CUL1: variants seen among roughly 807,000 people sequenced by gnomAD.
The protein encoded by CUL1 is cullin 1.
A neutral mutation model predicts 118.0 loss-of-function variants in CUL1; 24 were observed. The ratio of observed to expected loss-of-function variants is 0.20; its 90% CI spans 0.15 to 0.29. The LOEUF (loss-of-function observed/expected upper bound fraction) is 0.29. Among genes scored for constraint, CUL1 ranks in the 10% least tolerant of loss-of-function variants. The pLI, the probability that CUL1 is intolerant of heterozygous loss-of-function variation, is 1.00. For missense variants in CUL1, 361 were observed against 933.8 expected (o/e 0.39, Z 7.99); for synonymous variants, 332 against 340.4 (o/e 0.98, Z 0.27).
At chr7:148,749,415 CAAAA>C (rs61460309) in intron 2 of CUL1, among the ~76,000 whole-genome samples, 846 of 56,450 alleles carry the variant, frequency 0.015, 10 homozygotes, top group African/African-American at 0.052. Flanking sequence ...GACTCCATCT[CAAAA>C]AAAAAAAAAA....
In CUL1 at chr7:148,791,187, T is replaced by TC. The variant is rs1388533313; in HGVS notation, c.1806+748dup. On this transcript the variant is annotated intron_variant, in intron 16 of 21. Transcript: ENST00000325222. ...TTTTTAAAGTAAAAAGAAAAAAAAGTCCAAGCTCTTTCTACTTCCACTTTT... is the reference window on the plus strand; with the variant it reads ...TTTTTAAAGTAAAAAGAAAAAAAAGTCCCAAGCTCTTTCTACTTCCACTTTT... 1.2e-4 allele frequency among the ~76,000 whole-genome samples: 18 copies of TC among 152,244 alleles called. No individual in the cohort carries two copies. In the East Asian group the frequency reaches 3.5e-3, roughly 29 times the overall value.
Position 148,760,370 on chromosome 7 carries a change from G to A in CUL1, c.663G>A (p.Lys221=). Reference sequence around the variant, plus strand: ...TGAATGAAGATGATGCATTTGCAAAGGGCCCTACGTTAACAGTGTATAAAG... The same window carrying A: ...TGAATGAAGATGATGCATTTGCAAAAGGCCCTACGTTAACAGTGTATAAAG... The part of the protein sequence containing the change: ...LGLNEDDAFA[K]GPTLTVYKES... Residue 221 remains lysine (K), a synonymous_variant, in exon 7 of 22, where the codon AAG becomes AAA. Transcript: ENST00000325222. The A allele has an allele frequency of 6.2e-7, 1 of 1,608,846 alleles. No homozygotes were observed.
In CUL1 at chr7:148,729,992, A is replaced by G; in HGVS notation, c.-131A>G. On this transcript the variant is annotated 5_prime_UTR_variant, in exon 2 of 22. Coordinates refer to ENST00000325222, the MANE Select transcript of CUL1 (RefSeq NM_003592.3). ...CCTGCAATGAGATTTCATTCTCTAC[A>G]TTTAAAGGACATCCTTTCTGAGCTG... 6.7e-6 allele frequency: 7 copies of G among 1,041,502 alleles called. No individual in the cohort carries two copies. Among genetic ancestry groups the G allele is most frequent in the Non-Finnish European group, 9.6e-6 (7 of 728,288 alleles). The allele number at this position is 1,041,502 out of a possible 1,614,324, so 64.5% of individuals were successfully genotyped here. A position where few individuals can be genotyped will look rare whatever the true frequency, so the allele number is the denominator to read the frequency against.
intron 1 of CUL1, among the ~76,000 whole-genome samples, chr7:148,713,520 G>A (rs1798116622): frequency 6.6e-6 from 1 of 152,138 alleles, no homozygotes; most frequent in African/African-American, 2.4e-5. Flanking sequence ...GTGCTTGTGT[G>A]TGGATTTTTT....
intron 14 of CUL1, 49 bp from the exon 15 acceptor site, chr7:148,789,701 A>G: frequency 6.9e-7 from 1 of 1,446,682 alleles, no homozygotes; most frequent in Non-Finnish European, 9.7e-7. Flanking sequence ...TTTATAAACT[A>G]ATTAATGTAT....
intron 1 of CUL1, among the ~76,000 whole-genome samples, chr7:148,709,203 A>G (rs1328000127): frequency 6.6e-6 from 1 of 152,222 alleles, no homozygotes; most frequent in Non-Finnish European, 1.5e-5. Flanking sequence ...AATGCAGAGG[A>G]GGATTTGTTT....
At chr7:148,786,967 G>A in intron 12 of CUL1, 22 bp from the exon 13 acceptor site, 1 of 1,601,642 alleles carries the variant, frequency 6.2e-7, no homozygotes, top group African/African-American at 1.3e-5. Context: ...GGTTAAGTGT[G>A]TTGTCTCGGT....
intron 1 of CUL1, among the ~76,000 whole-genome samples, chr7:148,723,547 A>G (rs901353436): frequency 1.3e-5 from 2 of 152,222 alleles, no homozygotes; most frequent in East Asian, 1.9e-4. Flanking sequence ...TCAAGTAAGC[A>G]AAAAGTAAAT....
At position 148,788,680 on chromosome 7, in the gene CUL1, T is replaced by TATCC; in HGVS notation, c.1597+7_1597+10dup. The TATCC allele has an allele frequency of 6.4e-7, 1 of 1,556,874 alleles. No individual in the cohort carries two copies. Among genetic ancestry groups the TATCC allele is most frequent in the Non-Finnish European group, 8.9e-7 (1 of 1,128,658 alleles). ...AAACTCAGAACCCCTAGACTGTGAG[T>TATCC]ATCCGTGTGTCTCTATGTTGTGTTT... is the stretch of plus-strand genomic sequence containing the variant. On this transcript the variant is annotated splice_region_variant and intron_variant, in intron 14 of 21. Coordinates refer to ENST00000325222, the MANE Select transcript of CUL1 (RefSeq NM_003592.3).
chr7:148,711,662 AT>A (rs1798056037), intron 1 of CUL1, among the ~76,000 whole-genome samples: 1 of 152,212 alleles, frequency 6.6e-6, no homozygotes, highest in Non-Finnish European at 1.5e-5. Flanking sequence ...TCAGGGTTAA[AT>A]TATCTTAGTC....
intron 1 of CUL1, among the ~76,000 whole-genome samples, chr7:148,711,593 C>T (rs766081086): frequency 9.2e-5 from 14 of 152,110 alleles, no homozygotes; most frequent in Non-Finnish European, 1.5e-4. Context: ...TGTAGTGAAA[C>T]GGGAAGTGTA....
chr7:148,713,388 A>G (rs886225861), intron 1 of CUL1, among the ~76,000 whole-genome samples: 3 of 152,214 alleles, frequency 2.0e-5, no homozygotes, highest in Non-Finnish European at 4.4e-5. Context: ...GGTTTTCCGG[A>G]GCAATTTATA....
At position 148,787,923 on chromosome 7, in the gene CUL1, G is replaced by C. The variant is rs572840048; in HGVS notation, c.1480-634G>C. 6.6e-6 allele frequency among the ~76,000 whole-genome samples: 1 copy of C among 152,348 alleles called. No individual in the cohort carries two copies. The highest frequency in any genetic ancestry group is 1.9e-4 in the East Asian group (1 of 5,188). On this transcript the variant is annotated intron_variant, in intron 13 of 21. Coordinates refer to ENST00000325222, the MANE Select transcript of CUL1 (RefSeq NM_003592.3). This position sits in a 1 kb window ranked among gnomAD's most constrained non-coding sequence, Gnocchi z 5.5. ...GTAGGTATCTTTGTCAGCGTGGGCTGCCATGACGGAATACCATAGACCAGG... is the reference window on the plus strand; with the variant it reads ...GTAGGTATCTTTGTCAGCGTGGGCTCCCATGACGGAATACCATAGACCAGG...
At position 148,800,362 on chromosome 7, in the gene CUL1, G is replaced by A; in HGVS notation, c.2251-140G>A. 1 of 654,814 alleles carries A rather than the reference G, an allele frequency of 1.5e-6. No individual in the cohort carries two copies. Among genetic ancestry groups the A allele is most frequent in the East Asian group, 2.8e-5 (1 of 35,906 alleles). The allele number at this position is 654,814 out of a possible 1,614,324, so 40.6% of individuals were successfully genotyped here. ...CAGGAAGTAAAACTCTATGCTAACA[G>A]ATCTGGGGCGGGGACACTGCTCCCC... On this transcript the variant is annotated intron_variant, in intron 21 of 21. Coordinates refer to ENST00000325222, the MANE Select transcript of CUL1 (RefSeq NM_003592.3). The surrounding 1 kb of genome is among the most constrained non-coding windows in gnomAD (Gnocchi z 4.6).
chr7:148,762,194 C>T (rs753669904), intron 7 of CUL1, among the ~76,000 whole-genome samples: 12 of 152,186 alleles, frequency 7.9e-5, no homozygotes, highest in Non-Finnish European at 1.5e-4. Context: ...TATGAATGGA[C>T]TGCGGAATCT....
At chr7:148,782,255 T>C (rs1338642697) in intron 9 of CUL1, among the ~76,000 whole-genome samples, 5 of 152,192 alleles carry the variant, frequency 3.3e-5, no homozygotes, top group Admixed American at 6.5e-5. Flanking sequence ...AATATTTTCA[T>C]TGTTTAAAAG....
At chr7:148,759,857 A>G (rs1004201863) in intron 6 of CUL1, among the ~76,000 whole-genome samples, 1 of 152,338 alleles carries the variant, frequency 6.6e-6, no homozygotes, top group East Asian at 1.9e-4. Context: ...ATTTTGATGA[A>G]ATAGACATTT....
intron 1 of CUL1, among the ~76,000 whole-genome samples, chr7:148,714,539 A>G (rs546300197): frequency 3.3e-4 from 50 of 152,356 alleles, no homozygotes; most frequent in African/African-American, 1.1e-3. Context: ...ATGAATGAAC[A>G]GAATTAGAAT....
chr7:148,798,759 G>A (rs1006111832), intron 20 of CUL1, 82 bp downstream of exon 20: 17 of 1,149,936 alleles, frequency 1.5e-5, no homozygotes, highest in Admixed American at 3.4e-5. Context: ...GGGGGTAGGC[G>A]GGGGTGACAA....
Sources: allele counts gnomAD v4.1 joint callset (sites outside exome capture counted in the v4.1 genomes callset), GRCh38; gene constraint gnomAD v4.1.1; non-coding constraint Gnocchi (gnomAD v3.1); transcripts MANE v1.5; gene names NCBI Gene and HGNC (gene_info 2026-07-23, HGNC 2026-07-21).